The following TNS3 variants were observed in gnomAD, a reference collection of about 807,000 sequenced individuals.
The protein encoded by TNS3 is tensin-3.
In TNS3, 45 loss-of-function variants were observed where a neutral mutation model predicts 140.9. The ratio of observed to expected loss-of-function variants is 0.32; its 90% CI spans 0.25 to 0.41. The LOEUF (loss-of-function observed/expected upper bound fraction) is 0.41, where lower values mean the gene tolerates loss of function less well. Ranked by LOEUF, TNS3 falls within the 10% of genes least tolerant of loss-of-function variation. The pLI is 1.00. For synonymous variants in TNS3, 815 were observed against 788.4 expected (o/e 1.03, Z -0.56); for missense variants, 1,716 against 1,906.7 (o/e 0.90, Z 1.86).
intron 3 of TNS3, among the ~76,000 whole-genome samples, chr7:47,502,455 T>C (rs1239142171): frequency 2.0e-5 from 3 of 152,214 alleles, no homozygotes; most frequent in Non-Finnish European, 2.9e-5. Flanking sequence ...GTGTTTTCCA[T>C]GGCAGAGGAC....
chr7:47,499,314 A>G (rs1348227464), intron 3 of TNS3, among the ~76,000 whole-genome samples: 1 of 152,226 alleles, frequency 6.6e-6, no homozygotes, highest in African/African-American at 2.4e-5. Flanking sequence ...AAAATGAGTC[A>G]AAAATGATTG....
At chr7:47,319,692 G>C (rs1436277441) in intron 20 of TNS3, among the ~76,000 whole-genome samples, 2 of 152,110 alleles carry the variant, frequency 1.3e-5, no homozygotes, top group African/African-American at 4.8e-5. Flanking sequence ...GATTTCAATG[G>C]ACCTGAATAG....
intron 20 of TNS3, among the ~76,000 whole-genome samples, chr7:47,313,912 C>T (rs1279150086): frequency 6.6e-6 from 1 of 152,234 alleles, no homozygotes; most frequent in Non-Finnish European, 1.5e-5. Context: ...GTAGTTCCCT[C>T]TGTCAGACCA....
At chr7:47,539,655 C>G (rs1180008870) in intron 1 of TNS3, 1 of 162,714 alleles carries the variant, frequency 6.1e-6, no homozygotes, top group Non-Finnish European at 1.3e-5. Flanking sequence ...CGCCCCCCAT[C>G]TGACCTCCCA....
intron 17 of TNS3, among the ~76,000 whole-genome samples, chr7:47,352,239 T>A (rs1408551152): frequency 1.3e-5 from 2 of 152,144 alleles, no homozygotes; most frequent in East Asian, 3.8e-4. Context: ...TACACTATAC[T>A]CACTGGCACT....
At chr7:47,579,922 C>A in intron 1 of TNS3, 10 of 796,286 alleles carry the variant, frequency 1.3e-5, no homozygotes, top group Non-Finnish European at 1.4e-5. Context: ...TACTTTGACA[C>A]CCCCTCTCCT....
chr7:47,498,977 G>A (rs1376073801), intron 3 of TNS3, among the ~76,000 whole-genome samples: 1 of 152,274 alleles, frequency 6.6e-6, no homozygotes, highest in Admixed American at 6.5e-5. Flanking sequence ...GTTGACAGTG[G>A]CTTGGTCCTG....
At chr7:47,368,308 C>T (rs1183293887) in intron 17 of TNS3, 57 bp downstream of exon 17, 39 of 1,415,498 alleles carry the variant, frequency 2.8e-5, no homozygotes, top group Non-Finnish European at 3.6e-5. Context: ...TCTCATCACA[C>T]ATTAGCCTCC....
At chr7:47,435,585 A>G (rs1376470967) in intron 7 of TNS3, among the ~76,000 whole-genome samples, 181 bp from the exon 8 acceptor site, 1 of 152,218 alleles carries the variant, frequency 6.6e-6, no homozygotes, top group Non-Finnish European at 1.5e-5. Context: ...GAAAAAATAA[A>G]GCATTATACT....
At chr7:47,389,092 G>GAAGCAGAA (rs1562675398) in intron 16 of TNS3, among the ~76,000 whole-genome samples, 1 of 55,470 alleles carries the variant, frequency 1.8e-5, no homozygotes, top group African/African-American at 1.2e-4. Context: ...AAGAGGAAGA[G>GAAGCAGAA]GAAGAGGAAG....
chr7:47,453,409 C>T (rs1400188051), intron 4 of TNS3, among the ~76,000 whole-genome samples: 1 of 152,180 alleles, frequency 6.6e-6, no homozygotes, highest in East Asian at 1.9e-4. Context: ...GCTGGGAGGG[C>T]AGGTTACTCA....
At chr7:47,396,772 T>C in intron 16 of TNS3, 28 bp downstream of exon 16, 3 of 1,574,132 alleles carry the variant, frequency 1.9e-6, no homozygotes, top group Non-Finnish European at 2.6e-6. Context: ...TTTGCCTCCA[T>C]AACTGCACAC....
intron 27 of TNS3, among the ~76,000 whole-genome samples, chr7:47,286,016 C>G (rs1465731663): frequency 6.6e-6 from 1 of 152,080 alleles, no homozygotes; most frequent in African/African-American, 2.4e-5. Flanking sequence ...TGCGAGGGAG[C>G]CTGGAGAATT....
rs57071957 is a variant in TNS3, at chr7:47,567,683, C to CAA, written c.-265+14366_-265+14367dup. The stretch of plus-strand genomic sequence containing the variant: ...TGGGCAACAGAGCGAGACTCGGTCT[C>CAA]AAAAAAAAAAAAAAAAAAAAAGAAG... On this transcript the variant is annotated intron_variant, in intron 1 of 30. Coordinates refer to ENST00000311160, the MANE Select transcript of TNS3 (RefSeq NM_022748.12). Among the ~76,000 whole-genome samples the CAA allele has an allele frequency of 1.3e-3, 112 of 84,610 alleles. 1 individual carries two copies. The highest frequency in any genetic ancestry group is 6.4e-3 in the Middle Eastern group (1 of 156). The allele number at this position is 84,610 out of a possible 152,430, so 55.5% of individuals were successfully genotyped here. A position where few individuals can be genotyped will look rare whatever the true frequency, so the allele number is the denominator to read the frequency against.
At chr7:47,532,578 C>T (rs971799603) in intron 1 of TNS3, among the ~76,000 whole-genome samples, 11 of 152,184 alleles carry the variant, frequency 7.2e-5, no homozygotes, top group Non-Finnish European at 1.3e-4. Context: ...TCGGGATGAC[C>T]TGCCTACAGA....
intron 1 of TNS3, among the ~76,000 whole-genome samples, chr7:47,561,730 A>C (rs761528936): frequency 6.6e-6 from 1 of 152,252 alleles, no homozygotes; most frequent in Non-Finnish European, 1.5e-5. Flanking sequence ...GACTCGTCAA[A>C]AGGTGGAATC....
chr7:47,284,184 C>A (rs1326441171), intron 27 of TNS3, among the ~76,000 whole-genome samples: 2 of 152,210 alleles, frequency 1.3e-5, no homozygotes, highest in Non-Finnish European at 2.9e-5. Context: ...AGTATTAAAC[C>A]CTCGTGTCCC....
intron 20 of TNS3, among the ~76,000 whole-genome samples, chr7:47,316,085 A>C (rs1346221866): frequency 9.0e-6 from 1 of 110,554 alleles, no homozygotes; most frequent in Admixed American, 9.2e-5. Context: ...TATCCACCTA[A>C]CTAACTATTT....
chr7:47,460,212 C>CAAAAAAAA (rs10526565), intron 4 of TNS3, among the ~76,000 whole-genome samples: 1 of 115,052 alleles, frequency 8.7e-6, no homozygotes, highest in Non-Finnish European at 1.7e-5. Flanking sequence ...GACTCTGTCC[C>CAAAAAAAA]AAAAAAAAAA....
Sources: gnomAD v4.1 joint callset for allele counts (sites outside exome capture counted in the v4.1 genomes callset) on GRCh38, gnomAD v4.1.1 for gene constraint, MANE v1.5 for transcripts, NCBI Gene and HGNC (gene_info 2026-07-23, HGNC 2026-07-21) for gene names.